RAPGEF4: variants seen among roughly 807,000 people sequenced by gnomAD.
The protein encoded by RAPGEF4 is Rap guanine nucleotide exchange factor 4.
A neutral mutation model predicts 147.9 loss-of-function variants in RAPGEF4; 66 were observed. The ratio of observed to expected loss-of-function variants is 0.45; its 90% CI spans 0.37 to 0.55. The LOEUF is 0.55. RAPGEF4 is among the 20% of genes least tolerant of loss of function. The probability of loss-of-function intolerance (pLI) is 0.00; values close to 1 mark genes in which losing one functional copy is unlikely to be tolerated. For synonymous variants in RAPGEF4, 419 were observed against 442.7 expected (o/e 0.95, Z 0.67); for missense variants, 1,071 against 1,257.3 (o/e 0.85, Z 2.24).
At chr2:172,777,926 G>T (rs891045585) in intron 1 of RAPGEF4, among the ~76,000 whole-genome samples, 22 of 152,014 alleles carry the variant, frequency 1.4e-4, no homozygotes, top group Non-Finnish European at 2.8e-4. Context: ...TTAGTTTTCT[G>T]CCAGTTACTC....
chr2:173,037,620 G>A (rs77741340), intron 29 of RAPGEF4, among the ~76,000 whole-genome samples: 3,784 of 152,272 alleles, frequency 0.025, 83 homozygotes, highest in East Asian at 0.077. Context: ...TCCTTTGGCT[G>A]CAACCTGGTG....
At chr2:173,006,178 G>C (rs1445651242) in intron 17 of RAPGEF4, among the ~76,000 whole-genome samples, 1 of 152,146 alleles carries the variant, frequency 6.6e-6, no homozygotes, top group Non-Finnish European at 1.5e-5. Context: ...ACCATGATGG[G>C]AATGAACCCC....
At chr2:172,957,018 G>T (rs1050123123) in intron 6 of RAPGEF4, among the ~76,000 whole-genome samples, 1 of 152,216 alleles carries the variant, frequency 6.6e-6, no homozygotes, top group Non-Finnish European at 1.5e-5. Flanking sequence ...CATTGTACCT[G>T]CAGTGGAGAC....
chr2:172,970,339 G>A (rs1422909307), intron 10 of RAPGEF4, among the ~76,000 whole-genome samples: 1 of 152,130 alleles, frequency 6.6e-6, no homozygotes, highest in African/African-American at 2.4e-5. Flanking sequence ...GGCATGTTCA[G>A]AGGTCCTGGA....
chr2:172,755,595 C>T (rs1695694044), intron 1 of RAPGEF4, among the ~76,000 whole-genome samples: 1 of 152,064 alleles, frequency 6.6e-6, no homozygotes, highest in African/African-American at 2.4e-5. Context: ...AGGGTTTCAC[C>T]GTGTTGGCCA....
intron 6 of RAPGEF4, among the ~76,000 whole-genome samples, chr2:172,950,970 C>T (rs1688153778): frequency 6.6e-6 from 1 of 152,258 alleles, no homozygotes; most frequent in African/African-American, 2.4e-5. Context: ...ACACCAGCAG[C>T]ATCAACATCA....
chr2:172,853,052 T>C (rs1177780393), intron 4 of RAPGEF4, among the ~76,000 whole-genome samples: 1 of 152,076 alleles, frequency 6.6e-6, no homozygotes, highest in East Asian at 1.9e-4. Flanking sequence ...GATTTGCTGA[T>C]ATTTGCTGTA....
Position 172,750,408 on chromosome 2 carries a change from G to GT in RAPGEF4, c.65+14367dup, listed in dbSNP as rs1212817197. 1.2e-4 allele frequency among the ~76,000 whole-genome samples: 18 copies of GT among 151,908 alleles called. No individual in the cohort carries two copies. In the South Asian group the frequency reaches 3.5e-3, roughly 30 times the overall value. The stretch of plus-strand genomic sequence containing the variant: ...GAGAGAATTAGAACCAAGCAGAAGC[G>GT]TTTTTTTCCCTTTATAAAACCATCA... On this transcript the variant is annotated intron_variant, in intron 1 of 30. Transcript: ENST00000397081.
At chr2:172,878,799 G>T (rs1030870204) in intron 4 of RAPGEF4, among the ~76,000 whole-genome samples, 2 of 152,138 alleles carry the variant, frequency 1.3e-5, no homozygotes, top group African/African-American at 4.8e-5. Flanking sequence ...TTCTTCTTTT[G>T]GTCGATAATT....
intron 2 of RAPGEF4, among the ~76,000 whole-genome samples, chr2:172,795,862 C>T (rs940347584): frequency 2.6e-5 from 4 of 152,170 alleles, no homozygotes; most frequent in African/African-American, 9.7e-5. Flanking sequence ...TGTATGCATT[C>T]TGAGGTGTTG....
intron 1 of RAPGEF4, among the ~76,000 whole-genome samples, chr2:172,756,067 A>T (rs991340724): frequency 1.7e-4 from 26 of 152,232 alleles, no homozygotes; most frequent in Admixed American, 1.6e-3. Flanking sequence ...AAAAATGAGC[A>T]GTGTATATCT....
At chr2:172,879,113 T>C (rs1424354260) in intron 4 of RAPGEF4, among the ~76,000 whole-genome samples, 1 of 152,200 alleles carries the variant, frequency 6.6e-6, no homozygotes, top group Non-Finnish European at 1.5e-5. Flanking sequence ...AAGGGCCTGT[T>C]TTTGGTAGTA....
chr2:172,797,558 A>G lies in RAPGEF4; in HGVS notation c.242A>G (p.Tyr81Cys), dbSNP rs773431191. The change falls in exon 3 of 31, where the codon TAT becomes TGT. Residue 81 changes from tyrosine (Y) to cysteine (C), a missense_variant. Transcript: ENST00000397081. The part of the protein sequence containing the change: ...FRQGDIGTNW[Y>C]AVLAGSLDVK... ...CAGGGTGATATTGGAACAAACTGGTATGCTGTCCTGGCAGGGTCTTTGGAT... is the reference window on the plus strand; with the variant it reads ...CAGGGTGATATTGGAACAAACTGGTGTGCTGTCCTGGCAGGGTCTTTGGAT... The G allele has an allele frequency of 3.1e-6, 5 of 1,613,754 alleles. No homozygotes were observed. Among genetic ancestry groups the G allele is most frequent in the African/African-American group, 2.7e-5 (2 of 74,926 alleles).
At chr2:172,973,654 A>G (rs1208311268) in intron 10 of RAPGEF4, among the ~76,000 whole-genome samples, 1 of 152,090 alleles carries the variant, frequency 6.6e-6, no homozygotes, top group Non-Finnish European at 1.5e-5. Flanking sequence ...TACGTTGGGT[A>G]TTATTTTATA....
At chr2:172,816,764 G>A (rs1688553684) in intron 4 of RAPGEF4, among the ~76,000 whole-genome samples, 1 of 152,178 alleles carries the variant, frequency 6.6e-6, no homozygotes, top group South Asian at 2.1e-4. Context: ...GACATTCAGA[G>A]AGCCATTTGG....
chr2:172,967,128 G>A (rs1372000047), intron 9 of RAPGEF4, 133 bp from the exon 10 acceptor site: 9 of 830,024 alleles, frequency 1.1e-5, no homozygotes, highest in Non-Finnish European at 1.7e-5. Flanking sequence ...GCAGGGCAGA[G>A]TGAGAAGGGC....
intron 4 of RAPGEF4, among the ~76,000 whole-genome samples, chr2:172,915,658 T>A (rs2150025259): frequency 6.7e-6 from 1 of 149,946 alleles, no homozygotes; most frequent in South Asian, 2.1e-4. Flanking sequence ...GAGCCGAGAT[T>A]GCTCGACTGC....
chr2:172,806,990 C>T (rs986702891), intron 3 of RAPGEF4, among the ~76,000 whole-genome samples: 2 of 152,214 alleles, frequency 1.3e-5, no homozygotes, highest in African/African-American at 4.8e-5. Context: ...CTTCTATTCA[C>T]TCATTTCACT....
intron 4 of RAPGEF4, among the ~76,000 whole-genome samples, chr2:172,886,959 G>T (rs146326025): frequency 6.6e-6 from 1 of 152,034 alleles, no homozygotes; most frequent in South Asian, 2.1e-4. Context: ...AGGCCAAGGC[G>T]GGTGGATCAC....
Sources: gnomAD v4.1 joint callset for allele counts (sites outside exome capture counted in the v4.1 genomes callset) on GRCh38, gnomAD v4.1.1 for gene constraint, MANE v1.5 for transcripts, NCBI Gene and HGNC (gene_info 2026-07-23, HGNC 2026-07-21) for gene names.